Variants in NEBL observed in about 807,000 individuals in gnomAD.
NEBL encodes nebulette.
In NEBL, 122 loss-of-function variants were observed where a neutral mutation model predicts 140.2. The ratio of observed to expected loss-of-function variants is 0.87; its 90% CI spans 0.75 to 1.01. The LOEUF (loss-of-function observed/expected upper bound fraction) is 1.01, where lower values mean the gene tolerates loss of function less well. Among genes scored for constraint, NEBL ranks in the 50% least tolerant of loss-of-function variants. The pLI is 0.00. For synonymous variants in NEBL, 436 were observed against 398.9 expected, an observed-to-expected ratio of 1.09 and a Z score of -1.11; for missense variants, 1,365 against 1,231.3, an observed-to-expected ratio of 1.11 and a Z score of -1.62.
chr10:21,146,306 C>A (rs750969509), intron 2 of NEBL: 4 of 1,562,424 alleles, frequency 2.6e-6, no homozygotes, highest in Non-Finnish European at 3.5e-6. Context: ...TCAGCACACC[C>A]ATGCAGTATA....
At chr10:20,849,201 A>C (rs1182078461) in intron 11 of NEBL, among the ~76,000 whole-genome samples, 1 of 152,180 alleles carries the variant, frequency 6.6e-6, no homozygotes, top group South Asian at 2.1e-4. Flanking sequence ...TGAAAAGGTA[A>C]GAAGGAAAAC....
intron 3 of NEBL, among the ~76,000 whole-genome samples, chr10:21,201,758 A>G (rs970454181): frequency 6.6e-6 from 1 of 152,318 alleles, no homozygotes; most frequent in Non-Finnish European, 1.5e-5. Flanking sequence ...AAATATTACA[A>G]ATATTTCAGT....
upstream of NEBL, chr10:20,897,617 A>G: frequency 2.4e-6 from 2 of 850,664 alleles, no homozygotes; most frequent in Non-Finnish European, 2.8e-6. Flanking sequence ...CACAGTCCAA[A>G]GCCTGTTATC....
At chr10:20,869,633 T>C in intron 6 of NEBL, 107 bp downstream of exon 6, 1 of 769,696 alleles carries the variant, frequency 1.3e-6, no homozygotes, top group Admixed American at 1.9e-5. Context: ...TTCATTTATA[T>C]TGATTAGTTA....
intron 1 of NEBL, among the ~76,000 whole-genome samples, chr10:21,290,187 C>A (rs1042243685): frequency 6.6e-6 from 1 of 152,182 alleles, no homozygotes; most frequent in Non-Finnish European, 1.5e-5. Context: ...GAAATTGGAA[C>A]CACTCTCCCT....
intron 4 of NEBL, among the ~76,000 whole-genome samples, chr10:20,903,394 G>C (rs1039966341): frequency 1.3e-5 from 2 of 152,116 alleles, no homozygotes; most frequent in African/African-American, 4.8e-5. Context: ...TGGTGAAAAG[G>C]GAACACTTAT....
rs117800812 is a variant in NEBL at position 21,017,115 on chromosome 10, G to A, written c.249+3002C>T. ...TAGGTCCCATTCCAAGACCTATTCC[G>A]TACCAGCTAAGTGTGAAAGGGCAGG... On this transcript the variant is annotated intron_variant, in intron 3 of 6. Transcript: ENST00000417816. Among the ~76,000 whole-genome samples, 178 of 152,228 alleles carry A rather than the reference G, an allele frequency of 1.2e-3. 3 individuals carry two copies. The East Asian group carries it at 0.018, about 16-fold the overall frequency.
At chr10:21,127,603 C>G (rs1838900762) in intron 2 of NEBL, among the ~76,000 whole-genome samples, 1 of 151,864 alleles carries the variant, frequency 6.6e-6, no homozygotes, top group African/African-American at 2.4e-5. Flanking sequence ...TATTATCAGG[C>G]CTGTTGATCT....
chr10:21,103,503 G>A (rs530519355), intron 2 of NEBL, among the ~76,000 whole-genome samples: 124 of 152,164 alleles, frequency 8.1e-4, no homozygotes, highest in Non-Finnish European at 1.4e-3. Context: ...ATGAGCCACC[G>A]CACCAGGCCT....
Position 20,782,009 on chromosome 10 carries a change from T to C in NEBL, c.*3738A>G, listed in dbSNP as rs978873580. 3.3e-5 allele frequency: 5 copies of C among 152,604 alleles called. No individual in the cohort carries two copies. The highest frequency in any genetic ancestry group is 7.3e-5 in the Non-Finnish European group (5 of 68,028). The allele number at this position is 152,604 out of a possible 1,614,324, so 9.5% of individuals were successfully genotyped here. A position where few individuals can be genotyped will look rare whatever the true frequency, so the allele number is the denominator to read the frequency against. On this transcript the variant is annotated 3_prime_UTR_variant, in exon 28 of 28. Coordinates refer to ENST00000377122, the MANE Select transcript of NEBL (RefSeq NM_006393.3). The stretch of plus-strand genomic sequence containing the variant: ...CAATTATTCTATCTTACAATAGGCA[T>C]TTTAAATCCCAAATCTAAAGTTAAT...
intron 3 of NEBL, among the ~76,000 whole-genome samples, chr10:21,187,075 C>G (rs1841486136): frequency 6.8e-6 from 1 of 147,326 alleles, no homozygotes; most frequent in Admixed American, 6.9e-5. Context: ...TTTATTTATT[C>G]CTAACACTCT....
At chr10:20,894,793 G>C (rs1049203812) in intron 2 of NEBL, among the ~76,000 whole-genome samples, 1 of 150,058 alleles carries the variant, frequency 6.7e-6, no homozygotes, top group Non-Finnish European at 1.5e-5. Context: ...GCCGGGCTTA[G>C]TGGCAGGCGC....
At chr10:21,289,559 C>T (rs577108358) in intron 1 of NEBL, among the ~76,000 whole-genome samples, 2 of 152,118 alleles carry the variant, frequency 1.3e-5, no homozygotes, top group Non-Finnish European at 2.9e-5. Flanking sequence ...TGGTGTAATG[C>T]CCCCTTTCTC....
At chr10:20,841,862 C>A (rs552515388) in intron 12 of NEBL, among the ~76,000 whole-genome samples, 1 of 151,914 alleles carries the variant, frequency 6.6e-6, no homozygotes, top group East Asian at 1.9e-4. Context: ...ATTGGAAAAC[C>A]AAAACATTTT....
At chr10:21,101,274 G>C (rs1564511628) in intron 2 of NEBL, among the ~76,000 whole-genome samples, 1 of 152,212 alleles carries the variant, frequency 6.6e-6, no homozygotes, top group Non-Finnish European at 1.5e-5. Context: ...CTGTGGCTAA[G>C]GCTGCTAGGC....
chr10:21,197,365 A>G (rs1427021852), intron 3 of NEBL, among the ~76,000 whole-genome samples: 1 of 152,248 alleles, frequency 6.6e-6, no homozygotes, highest in Non-Finnish European at 1.5e-5. Context: ...TTCTTCTCAG[A>G]GAATGGAGTA....
Position 21,020,441 on chromosome 10 carries a change from G to T in NEBL, c.165-240C>A, listed in dbSNP as rs544134962. 5.7e-4 allele frequency among the ~76,000 whole-genome samples: 87 copies of T among 151,958 alleles called. 2 individuals are homozygous for T. In the South Asian group the frequency reaches 0.018, roughly 31 times the overall value. On this transcript the variant is annotated intron_variant, in intron 2 of 6. Transcript: ENST00000417816. Reference sequence around the variant, plus strand: ...TAACCTTGACTTCTCTTTTCTAAGCGCATCTTCACCCATGCTCAAGGTTCT... The same window carrying T: ...TAACCTTGACTTCTCTTTTCTAAGCTCATCTTCACCCATGCTCAAGGTTCT...
intron 3 of NEBL, among the ~76,000 whole-genome samples, chr10:21,200,199 A>G (rs1479365405): frequency 6.6e-6 from 1 of 151,712 alleles, no homozygotes; most frequent in Non-Finnish European, 1.5e-5. Flanking sequence ...ACTCAGACTC[A>G]GGGTCTCAGA....
At chr10:21,177,652 C>T (rs571731512), upstream of NEBL, among the ~76,000 whole-genome samples, 2 of 152,086 alleles carry the variant, frequency 1.3e-5, no homozygotes, top group South Asian at 4.2e-4. Context: ...GCCTCAGCCT[C>T]CCGAGTAGCT....
Sources: gnomAD v4.1 joint callset for allele counts (sites outside exome capture counted in the v4.1 genomes callset) on GRCh38, gnomAD v4.1.1 for gene constraint, MANE v1.5 for transcripts, NCBI Gene and HGNC (gene_info 2026-07-23, HGNC 2026-07-21) for gene names.